Variants in SLC47A2 observed in about 807,000 individuals in gnomAD.
SLC47A2 encodes the protein solute carrier family 47 member 2, also known as multidrug and toxin extrusion protein 2.
Under a neutral mutation model 67.7 loss-of-function variants are expected in SLC47A2, and 52 were observed. The ratio of observed to expected loss-of-function variants is 0.77; its 90% CI spans 0.61 to 0.97. SLC47A2 has a LOEUF of 0.97. Among genes scored for constraint, SLC47A2 ranks in the 50% least tolerant of loss-of-function variants. The probability of loss-of-function intolerance (pLI) is 0.00; values close to 1 mark genes in which losing one functional copy is unlikely to be tolerated. For missense variants in SLC47A2, 676 were observed against 712.3 expected, an observed-to-expected ratio of 0.95 and a Z score of 0.58; for synonymous variants, 278 against 292.9, an observed-to-expected ratio of 0.95 and a Z score of 0.52.
intron 9 of SLC47A2, among the ~76,000 whole-genome samples, chr17:19,706,282 T>C (rs111570661): frequency 0.026 from 3,915 of 152,330 alleles, 170 homozygotes; most frequent in African/African-American, 0.089. Flanking sequence ...CTGGCAAGCC[T>C]GGACCTCTGC....
chr17:19,702,612 G>T lies in SLC47A2; in HGVS notation c.1157C>A (p.Ala386Asp). 1 of 1,613,860 alleles carries T rather than the reference G, an allele frequency of 6.2e-7. No individual in the cohort carries two copies. The highest frequency in any genetic ancestry group is 8.5e-7 in the Non-Finnish European group (1 of 1,179,952). ...PVYSVFHVFE[A>D]ICCVYGGVLR... ...GATCAAAGTGGTACTTACACAGATG[G>T]CCTCAAACACGTGAAAGACACTATA... The change falls in exon 13 of 17, where the codon GCC becomes GAC. Residue 386 changes from alanine (A) to aspartate (D), a missense_variant. Transcript: ENST00000433844.
Position 19,703,702 on chromosome 17 carries a change from G to A in SLC47A2, c.1018+368C>T, listed in dbSNP as rs548178895. ...TGGGGGTGCTGGGAGGGCCAGGCCTGCAGAAGGACTCTGGACAGCTGGAAG... is the reference window on the plus strand; with the variant it reads ...TGGGGGTGCTGGGAGGGCCAGGCCTACAGAAGGACTCTGGACAGCTGGAAG... On this transcript the variant is annotated intron_variant, in intron 11 of 16. Coordinates refer to ENST00000433844, the MANE Select transcript of SLC47A2 (RefSeq NM_001099646.3). Among the ~76,000 whole-genome samples, 37 of 152,340 alleles carry A rather than the reference G, an allele frequency of 2.4e-4. 1 individual carries two copies. The highest frequency in any genetic ancestry group is 8.7e-4 in the African/African-American group (36 of 41,578).
intron 5 of SLC47A2, among the ~76,000 whole-genome samples, chr17:19,710,918 C>A (rs1296703814): frequency 6.6e-6 from 1 of 151,994 alleles, no homozygotes; most frequent in East Asian, 1.9e-4. Flanking sequence ...TCAAGCAATC[C>A]TCCTGCCTCA....
In SLC47A2 at chr17:19,714,752, A is replaced by C; in HGVS notation, c.263T>G (p.Leu88Trp). 1 of 1,614,154 alleles carries C rather than the reference A, an allele frequency of 6.2e-7. No individual in the cohort carries two copies. The highest frequency in any genetic ancestry group is 8.5e-7 in the Non-Finnish European group (1 of 1,180,040). The stretch of plus-strand genomic sequence containing the variant: ...CATCAAGGTGTCACATGCCGAAGAC[A>C]AACCAACTCCTACAGAAACTCCGCA... ...NVCGVSVGVG[L>W]SSACDTLMSQ... is the part of the protein sequence containing the mutation. The change falls in exon 3 of 17, where the codon TTG becomes TGG. Residue 88 changes from leucine to tryptophan, a missense_variant. Leu to Trp is a moderately conservative substitution (Grantham distance 61). Transcript: ENST00000433844.
chr17:19,714,211 T>C (rs1428023168), intron 3 of SLC47A2, among the ~76,000 whole-genome samples: 1 of 152,148 alleles, frequency 6.6e-6, no homozygotes, highest in African/African-American at 2.4e-5. Context: ...TGGGGCTTCA[T>C]CACATGTCAG....
intron 1 of SLC47A2, 83 bp downstream of exon 1, chr17:19,716,350 T>C (rs2086265091): frequency 9.4e-6 from 14 of 1,492,386 alleles, no homozygotes; most frequent in Non-Finnish European, 1.2e-5. Context: ...TGAGCACATT[T>C]CTGGATCCTG....
At chr17:19,717,657 C>T (rs1475173714), upstream of SLC47A2, 1 of 152,148 alleles carries the variant, frequency 6.6e-6, no homozygotes, top group Non-Finnish European at 1.5e-5. Context: ...GATGCAGCCC[C>T]CAGAGCCGCG....
chr17:19,703,201 C>G, intron 11 of SLC47A2, 34 bp from the exon 12 acceptor site: 1 of 1,602,810 alleles, frequency 6.2e-7, no homozygotes, highest in Non-Finnish European at 8.5e-7. Context: ...AATGACAGAC[C>G]CCAAGCCAGG....
intron 15 of SLC47A2, 33 bp from the exon 16 acceptor site, chr17:19,680,072 G>A (rs747377033): frequency 1.2e-4 from 195 of 1,603,360 alleles, no homozygotes; most frequent in Non-Finnish European, 1.6e-4. Flanking sequence ...GGGTCAACCT[G>A]CCAGCTCAAC....
At chr17:19,713,751 G>A in intron 4 of SLC47A2, 74 bp downstream of exon 4, 1 of 1,551,670 alleles carries the variant, frequency 6.4e-7, no homozygotes, top group South Asian at 1.2e-5. Context: ...GTGAGGGCTG[G>A]GCATCTTCAG....
chr17:19,712,695 GCAC>G lies in SLC47A2; in HGVS notation c.486+5_486+7del. 1 of 1,613,002 alleles carries G rather than the reference GCAC, an allele frequency of 6.2e-7. No individual in the cohort carries two copies. Among genetic ancestry groups the G allele is most frequent in the Non-Finnish European group, 8.5e-7 (1 of 1,179,692 alleles). On this transcript the variant is annotated splice_donor_5th_base_variant and intron_variant, in intron 5 of 16. Transcript: ENST00000433844. ...GTGATTCCACGCTCAGCAAACAGGG[GCAC>G]CTACCGGAAGTCCTGGAATGAAAAT...
intron 4 of SLC47A2, among the ~76,000 whole-genome samples, chr17:19,713,516 T>G (rs2086160872): frequency 6.6e-6 from 1 of 152,254 alleles, no homozygotes; most frequent in African/African-American, 2.4e-5. Flanking sequence ...TTCGAAAGCA[T>G]CTGTAAAGCT....
rs2086201561 is a variant in SLC47A2, at chr17:19,714,713, C to T, written c.294+8G>A. 1 of 1,613,956 alleles carries T rather than the reference C, an allele frequency of 6.2e-7. No homozygotes were observed. The highest frequency in any genetic ancestry group is 8.5e-7 in the Non-Finnish European group (1 of 1,180,028). On this transcript the variant is annotated splice_region_variant and intron_variant, in intron 3 of 16. Transcript: ENST00000433844. ...TGGCTTCCTGCCCAGCTCCAGGAGG[C>T]CACCCACCTGAGACATCAAGGTGTC...
Position 19,678,573 on chromosome 17 carries a change from G to C in SLC47A2, c.*113C>G. The C allele has an allele frequency of 9.1e-7, 1 of 1,098,394 alleles. No individual in the cohort carries two copies. The highest frequency in any genetic ancestry group is 2.4e-5 in the East Asian group (1 of 41,530). 68.0% of individuals were successfully genotyped at this position (1,098,394 alleles called of 1,614,324 possible). ...AGCCAAAGTTCTTTTTTTGAGGAGT[G>C]GTTCAAAGTGTCCACCTGCACTAGA... On this transcript the variant is annotated 3_prime_UTR_variant, in exon 17 of 17. Coordinates refer to ENST00000433844, the MANE Select transcript of SLC47A2 (RefSeq NM_001099646.3).
rs76557187 is a variant in SLC47A2 at position 19,685,043 on chromosome 17, G to C, written c.1165-3373C>G. Among the ~76,000 whole-genome samples, 1 of 152,228 alleles carries C rather than the reference G, an allele frequency of 6.6e-6. No individual in the cohort carries two copies. The highest frequency in any genetic ancestry group is 1.5e-5 in the Non-Finnish European group (1 of 68,008). Reference sequence around the variant, plus strand: ...GTATTTTTGGTGGAGATGGGGTTTCGCCGTGTTGACCGGGCTGGCCTCCAG... The same window carrying C: ...GTATTTTTGGTGGAGATGGGGTTTCCCCGTGTTGACCGGGCTGGCCTCCAG... On this transcript the variant is annotated intron_variant, in intron 13 of 16. Coordinates refer to ENST00000433844, the MANE Select transcript of SLC47A2 (RefSeq NM_001099646.3). This position sits in a 1 kb window ranked among gnomAD's most constrained non-coding sequence, Gnocchi z 4.5.
rs774353443 is a variant in SLC47A2 at position 19,678,640 on chromosome 17, A to G, written c.*46T>C. 3 of 1,594,644 alleles carry G rather than the reference A, an allele frequency of 1.9e-6. No homozygotes were observed. Among genetic ancestry groups the G allele is most frequent in the Non-Finnish European group, 1.7e-6 (2 of 1,164,984 alleles). On this transcript the variant is annotated 3_prime_UTR_variant, in exon 17 of 17. Transcript: ENST00000433844. Reference sequence around the variant, plus strand: ...GCAGGGCAGACCGTGGTGTGTTTGCATACTGGGGACAGCCACTCCTGGCTT... The same window carrying G: ...GCAGGGCAGACCGTGGTGTGTTTGCGTACTGGGGACAGCCACTCCTGGCTT...
intron 13 of SLC47A2, among the ~76,000 whole-genome samples, chr17:19,684,477 G>T (rs1299209483): frequency 6.6e-6 from 1 of 152,044 alleles, no homozygotes; most frequent in Admixed American, 6.6e-5. Flanking sequence ...AGGGAGAAAG[G>T]TCTCGAATCA....
chr17:19,715,420 C>T (rs2086227705), intron 1 of SLC47A2, among the ~76,000 whole-genome samples: 1 of 152,126 alleles, frequency 6.6e-6, no homozygotes. Flanking sequence ...CTGGCCTCCA[C>T]GTCCCTACCC....
At chr17:19,700,345 G>C (rs1262715213) in intron 13 of SLC47A2, among the ~76,000 whole-genome samples, 1 of 152,208 alleles carries the variant, frequency 6.6e-6, no homozygotes, top group East Asian at 1.9e-4. Flanking sequence ...AAAATGATGG[G>C]CTGCACATAC....
Sources: allele counts gnomAD v4.1 joint callset (sites outside exome capture counted in the v4.1 genomes callset), GRCh38; gene constraint gnomAD v4.1.1; non-coding constraint Gnocchi (gnomAD v3.1); transcripts MANE v1.5; gene names NCBI Gene and HGNC (gene_info 2026-07-23, HGNC 2026-07-21).